CPED1: variants seen among roughly 807,000 people sequenced by gnomAD.
CPED1 encodes the protein cadherin like and PC-esterase domain containing 1.
CPED1 carries 114 observed loss-of-function variants against 128.2 expected under a neutral mutation model. That is an observed-to-expected ratio of 0.89 (90% CI 0.76 to 1.04). The LOEUF (loss-of-function observed/expected upper bound fraction) is 1.04, where lower values mean the gene tolerates loss of function less well. Ranked by LOEUF, CPED1 falls within the 50% of genes least tolerant of loss-of-function variation. CPED1 has a pLI of 0.00. For missense variants in CPED1, 1,211 were observed against 1,207.1 expected (o/e 1.00, Z -0.05); for synonymous variants, 462 against 426.7 (o/e 1.08, Z -1.02).
chr7:121,256,120 AAAACAAAACAAAAAAAAAAAAC>A (rs1194509560), intron 18 of CPED1, among the ~76,000 whole-genome samples: 1 of 40,124 alleles, frequency 2.5e-5, no homozygotes, highest in African/African-American at 4.2e-5. Context: ...GCAAAAAAAA[AAAACAAAACAAAAAAAAAAAAC>A]AAAGCTTATG....
In CPED1 at chr7:121,052,174, T is replaced by C. The variant is rs571318902; in HGVS notation, c.540+5181T>C. ...TGATAGTTATGTTCCCAACCTGGGGTGCAAAATCTCTCCCCACAGCTGTAA... is the reference window on the plus strand; with the variant it reads ...TGATAGTTATGTTCCCAACCTGGGGCGCAAAATCTCTCCCCACAGCTGTAA... On this transcript the variant is annotated intron_variant, in intron 4 of 22. Coordinates refer to ENST00000310396, the MANE Select transcript of CPED1 (RefSeq NM_024913.5). 9.9e-5 allele frequency among the ~76,000 whole-genome samples: 15 copies of C among 152,238 alleles called. No homozygotes were observed. The South Asian group carries it at 2.9e-3, about 29-fold the overall frequency.
At chr7:121,072,827 A>G (rs1381063646) in intron 5 of CPED1, among the ~76,000 whole-genome samples, 2 of 152,228 alleles carry the variant, frequency 1.3e-5, no homozygotes, top group East Asian at 3.8e-4. Context: ...GTTTTTGTGT[A>G]TACATTTCAT....
intron 18 of CPED1, among the ~76,000 whole-genome samples, chr7:121,247,719 C>T (rs193171139): frequency 6.6e-6 from 1 of 152,106 alleles, no homozygotes; most frequent in Non-Finnish European, 1.5e-5. Context: ...GGAATCTGTC[C>T]AGAGAGTAGA....
chr7:121,227,496 T>G (rs1248532991), intron 16 of CPED1, among the ~76,000 whole-genome samples: 1 of 152,088 alleles, frequency 6.6e-6, no homozygotes, highest in Non-Finnish European at 1.5e-5. Flanking sequence ...AACTTTCAAC[T>G]GCAATTTGTG....
chr7:121,068,296 G>A (rs1793899233), intron 5 of CPED1, among the ~76,000 whole-genome samples: 1 of 152,250 alleles, frequency 6.6e-6, no homozygotes, highest in Admixed American at 6.5e-5. Context: ...TTTGTATAAG[G>A]TATAAGGAAG....
rs758719880 is a variant in CPED1, at chr7:121,125,898, T to C, written c.1134+6T>C. 4 of 1,594,414 alleles carry C rather than the reference T, an allele frequency of 2.5e-6. No homozygotes were observed. Among genetic ancestry groups the C allele is most frequent in the Middle Eastern group, 1.7e-4 (1 of 6,008 alleles). On this transcript the variant is annotated splice_donor_region_variant and intron_variant, in intron 9 of 22. Transcript: ENST00000310396. ...TGTACCCTGTAGTGCTCCAGGTCAG[T>C]ATGCCAAAGGCCTCATGTGAGCTTC...
chr7:121,119,573 C>T (rs1279108446), intron 7 of CPED1, among the ~76,000 whole-genome samples: 1 of 151,120 alleles, frequency 6.6e-6, no homozygotes, highest in African/African-American at 2.4e-5. Flanking sequence ...TGCCTGTAAT[C>T]CCAGCACTTT....
At chr7:121,174,600 G>C (rs1490797510) in intron 16 of CPED1, among the ~76,000 whole-genome samples, 1 of 151,908 alleles carries the variant, frequency 6.6e-6, no homozygotes, top group Non-Finnish European at 1.5e-5. Context: ...CTTTGTACCA[G>C]TACCATGTTG....
At chr7:121,045,034 G>A (rs1025195096) in intron 3 of CPED1, among the ~76,000 whole-genome samples, 1 of 152,066 alleles carries the variant, frequency 6.6e-6, no homozygotes, top group Non-Finnish European at 1.5e-5. Context: ...TTTGTGTTTT[G>A]CTTTGAATCC....
Position 121,136,068 on chromosome 7 carries a change from TAAAG to T in CPED1, c.1681_1684del (p.Glu561TyrfsTer24), listed in dbSNP as rs780873033. The T allele has an allele frequency of 1.9e-6, 3 of 1,542,704 alleles. No homozygotes were observed. Among genetic ancestry groups the T allele is most frequent in the Non-Finnish European group, 2.6e-6 (3 of 1,153,428 alleles). ...CAGTTCCACAAATTAAAAATGAAAA[TAAAG>T]AAATACATTGCAGTGATGGTGAGTT... On this transcript the variant is annotated frameshift_variant, in exon 14 of 23. Transcript: ENST00000310396. LOFTEE classifies it high-confidence loss of function.
At chr7:121,017,839 A>G (rs1168540561) in intron 3 of CPED1, among the ~76,000 whole-genome samples, 1 of 152,164 alleles carries the variant, frequency 6.6e-6, no homozygotes, top group African/African-American at 2.4e-5. Context: ...GCAATAGAAT[A>G]TGGCAGCCAA....
chr7:121,058,224 G>C (rs749162202), intron 4 of CPED1, among the ~76,000 whole-genome samples: 5 of 152,154 alleles, frequency 3.3e-5, no homozygotes, highest in Non-Finnish European at 7.4e-5. Flanking sequence ...GAGAGTAATT[G>C]GATGATTCTG....
chr7:121,160,501 T>C (rs1255510775), intron 16 of CPED1, among the ~76,000 whole-genome samples: 2 of 152,198 alleles, frequency 1.3e-5, no homozygotes, highest in Non-Finnish European at 2.9e-5. Flanking sequence ...TTTCTCCTCT[T>C]AAGGTAATCA....
chr7:121,244,523 C>G (rs1468720865), intron 18 of CPED1, among the ~76,000 whole-genome samples, 185 bp downstream of exon 18: 4 of 152,184 alleles, frequency 2.6e-5, no homozygotes, highest in Non-Finnish European at 5.9e-5. Flanking sequence ...ATTCCCGCTC[C>G]AAATGTTCAG....
chr7:121,074,421 G>A (rs6962509), intron 5 of CPED1, among the ~76,000 whole-genome samples: 70,509 of 150,492 alleles, frequency 0.47, 16,765 homozygotes, highest in East Asian at 0.61. Flanking sequence ...ACCCAACTGC[G>A]CTTTCACAAA....
intron 5 of CPED1, among the ~76,000 whole-genome samples, chr7:121,080,745 A>G (rs1415601041): frequency 6.6e-6 from 1 of 152,116 alleles, no homozygotes; most frequent in African/African-American, 2.4e-5. Flanking sequence ...ATACCCAGAG[A>G]GAAAGAGATT....
At chr7:121,119,283 G>A (rs1418597845) in intron 7 of CPED1, among the ~76,000 whole-genome samples, 1 of 150,060 alleles carries the variant, frequency 6.7e-6, no homozygotes, top group Admixed American at 6.6e-5. Flanking sequence ...AGGCTGGAGG[G>A]CAGTGGCAAA....
intron 5 of CPED1, among the ~76,000 whole-genome samples, chr7:121,088,835 A>G (rs1794510695): frequency 1.3e-5 from 2 of 148,830 alleles, no homozygotes; most frequent in South Asian, 4.2e-4. Flanking sequence ...AAGACCAGCA[A>G]TTATTTAGCA....
chr7:121,060,198 C>G (rs1273883966), intron 4 of CPED1, among the ~76,000 whole-genome samples: 2 of 152,244 alleles, frequency 1.3e-5, no homozygotes, highest in East Asian at 3.9e-4. Flanking sequence ...GACCTGCAGC[C>G]CACCATGCCT....
Sources: allele counts gnomAD v4.1 joint callset (sites outside exome capture counted in the v4.1 genomes callset), GRCh38; gene constraint gnomAD v4.1.1; transcripts MANE v1.5; gene names NCBI Gene and HGNC (gene_info 2026-07-23, HGNC 2026-07-21).